The following RTBDN variants were observed in gnomAD, a reference collection of about 807,000 sequenced individuals.
RTBDN encodes retbindin.
RTBDN carries 24 observed loss-of-function variants against 21.9 expected under a neutral mutation model. The observed-to-expected ratio is 1.10, with a 90% confidence interval of 0.79 to 1.54. The LOEUF (loss-of-function observed/expected upper bound fraction) is 1.54, where lower values mean the gene tolerates loss of function less well. Among genes scored for constraint, RTBDN ranks in the 40% most tolerant of loss-of-function variants. The pLI is 0.00. For missense variants in RTBDN, 325 were observed against 315.2 expected (o/e 1.03, Z -0.23); for synonymous variants, 141 against 125.9 (o/e 1.12, Z -0.80).
rs1374954884 is a variant in RTBDN, at chr19:12,830,351, C to G, written c.-18-354G>C. The G allele has an allele frequency of 5.9e-6, 6 of 1,018,972 alleles. No individual in the cohort carries two copies. The highest frequency in any genetic ancestry group is 1.7e-5 in the African/African-American group (1 of 58,582). The allele number at this position is 1,018,972 out of a possible 1,614,324, so 63.1% of individuals were successfully genotyped here. ...GACCTCCCTAGGTCTTCCAATCCCC[C>G]TCTCCTGTTCAGTAATTCCTCCCTC... On this transcript the variant is annotated intron_variant, in intron 1 of 5. Transcript: ENST00000674343. The surrounding 1 kb of genome is among the most constrained non-coding windows in gnomAD (Gnocchi z 4.2).
At chr19:12,834,998 G>A (rs529146245), upstream of RTBDN, 1 of 1,572,540 alleles carries the variant, frequency 6.4e-7, no homozygotes, top group East Asian at 2.2e-5. The surrounding 1 kb of genome is among the most constrained non-coding windows in gnomAD (Gnocchi z 4.7). Flanking sequence ...TTGGTAATCT[G>A]GAGTTTAGAT....
At chr19:12,826,955 A>G (rs1969331502) in intron 4 of RTBDN, 84 bp from the exon 5 acceptor site, 11 of 930,180 alleles carry the variant, frequency 1.2e-5, no homozygotes, top group Non-Finnish European at 1.7e-5. Flanking sequence ...TGTGTTCACT[A>G]TATGCCCCCA....
At chr19:12,826,642 T>C (rs1228298155) in intron 5 of RTBDN, 133 bp downstream of exon 5, 1 of 746,712 alleles carries the variant, frequency 1.3e-6, no homozygotes, top group Non-Finnish European at 2.2e-6. Flanking sequence ...TGCATCGAGC[T>C]GAGATCGCGC....
chr19:12,830,484 T>A lies in RTBDN; in HGVS notation c.-18-487A>T. The A allele has an allele frequency of 1.0e-6, 1 of 986,296 alleles. No homozygotes were observed. 61.1% of individuals were successfully genotyped at this position (986,296 alleles called of 1,614,324 possible). On this transcript the variant is annotated intron_variant, in intron 1 of 5. Coordinates refer to ENST00000674343, the MANE Select transcript of RTBDN (RefSeq NM_001270441.2). The surrounding 1 kb of genome is among the most constrained non-coding windows in gnomAD (Gnocchi z 4.2). ...TAGGGGCCACCCAGAGCTGGACCTTTGGGACCAAGGCTGGTGTGGCAGGGC... is the reference window on the plus strand; with the variant it reads ...TAGGGGCCACCCAGAGCTGGACCTTAGGGACCAAGGCTGGTGTGGCAGGGC...
At chr19:12,826,205 T>C (rs1273763700) in intron 5 of RTBDN, 2 of 1,326,012 alleles carry the variant, frequency 1.5e-6, no homozygotes, top group African/African-American at 3.1e-5. Flanking sequence ...AGAGAGTGAC[T>C]GGGCTTCTGG....
Position 12,830,003 on chromosome 19 carries a change from A to G in RTBDN, c.-18-6T>C. 6.3e-7 allele frequency: 1 copy of G among 1,597,804 alleles called. No individual in the cohort carries two copies. Among genetic ancestry groups the G allele is most frequent in the East Asian group, 2.3e-5 (1 of 44,414 alleles). On this transcript the variant is annotated splice_region_variant and splice_polypyrimidine_tract_variant and intron_variant, in intron 1 of 5. Coordinates refer to ENST00000674343, the MANE Select transcript of RTBDN (RefSeq NM_001270441.2). The surrounding 1 kb of genome is among the most constrained non-coding windows in gnomAD (Gnocchi z 4.2). ...ATGTCCACCTGAGATAAGAGCTGGCAGGCATAGGGTGGGGTTCAGCCATCC... is the reference window on the plus strand; with the variant it reads ...ATGTCCACCTGAGATAAGAGCTGGCGGGCATAGGGTGGGGTTCAGCCATCC...
chr19:12,831,326 C>G (rs1357046538), intron 1 of RTBDN, among the ~76,000 whole-genome samples: 4 of 152,160 alleles, frequency 2.6e-5, no homozygotes, highest in Non-Finnish European at 1.5e-5. Context: ...CTTGTGAACA[C>G]TCCTTTAACT....
At chr19:12,834,819 C>T, upstream of RTBDN, 1 of 1,614,194 alleles carries the variant, frequency 6.2e-7, no homozygotes, top group Non-Finnish European at 8.5e-7. The surrounding 1 kb of genome is among the most constrained non-coding windows in gnomAD (Gnocchi z 4.7). Context: ...AGCCGAGAAG[C>T]GTCCTCTGCT....
At chr19:12,829,162 C>G in intron 2 of RTBDN, 2 of 818,882 alleles carry the variant, frequency 2.4e-6, no homozygotes, top group Non-Finnish European at 3.7e-6. Flanking sequence ...TTGTCATGTG[C>G]CTGGTAGTGA....
Position 12,826,862 on chromosome 19 carries a change from G to A in RTBDN, c.375C>T (p.Asn125=). ...CEELCQAWFA[N]CEDDITCGPT... is the part of the protein sequence containing the mutation. ...GGCCGCAGGTGATATCATCTTCGCA[G>A]TTGGCGAACCTGGAGATGGCGAGTG... Residue 125 remains asparagine (N), a synonymous_variant, in exon 5 of 6, where the codon AAC becomes AAT. Coordinates refer to ENST00000674343, the MANE Select transcript of RTBDN (RefSeq NM_001270441.2). 1.9e-6 allele frequency: 3 copies of A among 1,551,224 alleles called. No individual in the cohort carries two copies. The highest frequency in any genetic ancestry group is 2.6e-6 in the Non-Finnish European group (3 of 1,147,652).
intron 5 of RTBDN, 149 bp from the exon 6 acceptor site, chr19:12,826,082 G>A (rs1476761066): frequency 3.5e-6 from 5 of 1,412,506 alleles, no homozygotes; most frequent in Non-Finnish European, 4.6e-6. Context: ...GAACGTGAGT[G>A]GGGGCAGGTC....
chr19:12,834,676 A>G, upstream of RTBDN: 1 of 1,545,590 alleles, frequency 6.5e-7, no homozygotes, highest in South Asian at 1.1e-5. The surrounding 1 kb of genome is among the most constrained non-coding windows in gnomAD (Gnocchi z 4.7). Flanking sequence ...GCTGGTCTCG[A>G]GGCTGCGCAG....
In RTBDN at chr19:12,830,841, G is replaced by A. The variant is rs1382348443; in HGVS notation, c.-18-844C>T. Among the ~76,000 whole-genome samples the A allele has an allele frequency of 3.2e-5, 2 of 62,810 alleles. No individual in the cohort carries two copies. Among genetic ancestry groups the A allele is most frequent in the Non-Finnish European group, 5.9e-5 (2 of 34,100 alleles). The allele number at this position is 62,810 out of a possible 152,430, so 41.2% of individuals were successfully genotyped here. A position where few individuals can be genotyped will look rare whatever the true frequency, so the allele number is the denominator to read the frequency against. ...CTCTGTATCTATATATGTGGGGAGT[G>A]TGTGTGTGTGTGTGTGTGTGTATGT... is the stretch of plus-strand genomic sequence containing the variant. On this transcript the variant is annotated intron_variant, in intron 1 of 5. Coordinates refer to ENST00000674343, the MANE Select transcript of RTBDN (RefSeq NM_001270441.2). The surrounding 1 kb of genome is among the most constrained non-coding windows in gnomAD (Gnocchi z 4.2).
chr19:12,829,262 C>T (rs1308343768), intron 2 of RTBDN, among the ~76,000 whole-genome samples: 1 of 150,880 alleles, frequency 6.6e-6, no homozygotes. Flanking sequence ...AGTGCAGTGG[C>T]GTGATCTTGG....
At position 12,825,783 on chromosome 19, in the gene RTBDN, G is replaced by T. The variant is rs756128548; in HGVS notation, c.613C>A (p.Arg205Ser). 3.7e-6 allele frequency: 6 copies of T among 1,610,788 alleles called. No individual in the cohort carries two copies. The highest frequency in any genetic ancestry group is 4.2e-6 in the Non-Finnish European group (5 of 1,178,088). ...GRRGREAPSR[R>S]SRSPRTSILD... ...ATGGAGGTGCGAGGGCTGCGGGAAC[G>T]CCGGGAGGGAGCTTCCCGGCCCCGT... The change falls in exon 6 of 6, where the codon CGT becomes AGT. Residue 205 changes from arginine to serine, a missense_variant. Coordinates refer to ENST00000674343, the MANE Select transcript of RTBDN (RefSeq NM_001270441.2).
chr19:12,830,112 G>T lies in RTBDN; in HGVS notation c.-18-115C>A. On this transcript the variant is annotated intron_variant, in intron 1 of 5. Coordinates refer to ENST00000674343, the MANE Select transcript of RTBDN (RefSeq NM_001270441.2). The surrounding 1 kb of genome is among the most constrained non-coding windows in gnomAD (Gnocchi z 4.2). The stretch of plus-strand genomic sequence containing the variant: ...AGAGTAGGGAAAGTGCAGCTGAGGA[G>T]GAGGCTGGGGCAGTGGCCAAGGACG... 1 of 1,351,656 alleles carries T rather than the reference G, an allele frequency of 7.4e-7. No homozygotes were observed. Among genetic ancestry groups the T allele is most frequent in the Non-Finnish European group, 1.0e-6 (1 of 1,002,548 alleles). 83.7% of individuals were successfully genotyped at this position (1,351,656 alleles called of 1,614,324 possible). A position where few individuals can be genotyped will look rare whatever the true frequency, so the allele number is the denominator to read the frequency against.
chr19:12,830,057 C>T lies in RTBDN; in HGVS notation c.-18-60G>A, dbSNP rs1969507628. Reference sequence around the variant, plus strand: ...TCTGTGAGCTTAGGGTGGCACCCACCCAGTGCATACCCAAGAAGCAGTGCC... The same window carrying T: ...TCTGTGAGCTTAGGGTGGCACCCACTCAGTGCATACCCAAGAAGCAGTGCC... On this transcript the variant is annotated intron_variant, in intron 1 of 5. Transcript: ENST00000674343. This position sits in a 1 kb window ranked among gnomAD's most constrained non-coding sequence, Gnocchi z 4.2. The T allele has an allele frequency of 2.9e-5, 44 of 1,531,204 alleles. No individual in the cohort carries two copies. The highest frequency in any genetic ancestry group is 3.7e-5 in the Non-Finnish European group (42 of 1,123,412). 94.9% of individuals were successfully genotyped at this position (1,531,204 alleles called of 1,614,324 possible).
intron 5 of RTBDN, 178 bp from the exon 6 acceptor site, chr19:12,826,111 T>C: frequency 7.2e-7 from 1 of 1,397,508 alleles, no homozygotes; most frequent in Non-Finnish European, 9.3e-7. Context: ...GGGTGAATGT[T>C]CTTACTGGGC....
intron 3 of RTBDN, 35 bp from the exon 4 acceptor site, chr19:12,828,802 G>A (rs767708474): frequency 6.2e-7 from 1 of 1,613,452 alleles, no homozygotes; most frequent in East Asian, 2.2e-5. Flanking sequence ...GGATGGGTCA[G>A]GACCCGAGGG....
Sources: gnomAD v4.1 joint callset for allele counts (sites outside exome capture counted in the v4.1 genomes callset) on GRCh38, gnomAD v4.1.1 for gene constraint, Gnocchi (gnomAD v3.1) non-coding constraint, MANE v1.5 for transcripts, NCBI Gene and HGNC (gene_info 2026-07-23, HGNC 2026-07-21) for gene names.